AFDN: variants seen among roughly 807,000 people sequenced by gnomAD.
AFDN encodes the protein afadin.
AFDN carries 68 observed loss-of-function variants against 216.6 expected under a neutral mutation model. The observed-to-expected ratio is 0.31, with a 90% CI of 0.26 to 0.38. AFDN has a LOEUF of 0.38. Among genes scored for constraint, AFDN ranks in the 10% least tolerant of loss-of-function variants. The probability of loss-of-function intolerance (pLI) is 1.00; values close to 1 mark genes in which losing one functional copy is unlikely to be tolerated. For synonymous variants in AFDN, 868 were observed against 853.7 expected, an observed-to-expected ratio of 1.02 and a Z score of -0.29; for missense variants, 2,136 against 2,342.0, an observed-to-expected ratio of 0.91 and a Z score of 1.82.
Position 167,917,703 on chromosome 6 carries a change from A to G in AFDN, c.2709+471A>G, listed in dbSNP as rs576414103. Among the ~76,000 whole-genome samples, 11 of 152,352 alleles carry G rather than the reference A, an allele frequency of 7.2e-5. No individual in the cohort carries two copies. In the East Asian group the frequency reaches 1.7e-3, roughly 24 times the overall value. Reference sequence around the variant, plus strand: ...CACTGTTAGCTATTTATAAAGAGAAATACTGTAGACTTAAATATGAGTCAT... The same window carrying G: ...CACTGTTAGCTATTTATAAAGAGAAGTACTGTAGACTTAAATATGAGTCAT... On this transcript the variant is annotated intron_variant, in intron 20 of 33. Transcript: ENST00000683244.
At chr6:167,948,553 AT>A in intron 29 of AFDN, 75 bp downstream of exon 29, 1 of 1,393,768 alleles carries the variant, frequency 7.2e-7, no homozygotes, top group Non-Finnish European at 9.8e-7. Flanking sequence ...CACAATTAAT[AT>A]TTTCTATAGA....
At chr6:167,914,580 A>G in intron 17 of AFDN, 64 bp from the exon 18 acceptor site, 1 of 1,227,340 alleles carries the variant, frequency 8.1e-7, no homozygotes, top group South Asian at 1.3e-5. Flanking sequence ...TTCCCATGTG[A>G]TAACATGTCT....
At chr6:167,834,671 T>C (rs760740382) in intron 1 of AFDN, among the ~76,000 whole-genome samples, 2 of 152,042 alleles carry the variant, frequency 1.3e-5, no homozygotes, top group Admixed American at 1.3e-4. Context: ...CTGTCCTCCT[T>C]TGGAAGATTC....
rs35300672 is a variant in AFDN at position 167,868,762 on chromosome 6, C to CTTTTTTTTT, written c.302-1614_302-1606dup. Among the ~76,000 whole-genome samples the CTTTTTTTTT allele has an allele frequency of 1.6e-5, 2 of 122,560 alleles. 1 individual carries two copies. Among genetic ancestry groups the CTTTTTTTTT allele is most frequent in the Non-Finnish European group, 3.3e-5 (2 of 61,318 alleles). 80.4% of individuals were successfully genotyped at this position (122,560 alleles called of 152,430 possible). The stretch of plus-strand genomic sequence containing the variant: ...TTTACTATCATCAGCATTGTGCAAT[C>CTTTTTTTTT]TTTTTTTTTTTTTTTTTTGAGACAG... On this transcript the variant is annotated intron_variant, in intron 2 of 33. Transcript: ENST00000683244.
intron 12 of AFDN, among the ~76,000 whole-genome samples, chr6:167,906,864 A>T (rs2128432468): frequency 6.6e-6 from 1 of 152,366 alleles, no homozygotes; most frequent in South Asian, 2.1e-4. Context: ...GAATCGAATT[A>T]CTATTAATGT....
chr6:167,932,419 A>G (rs1234932481), intron 23 of AFDN, among the ~76,000 whole-genome samples: 1 of 152,196 alleles, frequency 6.6e-6, no homozygotes, highest in African/African-American at 2.4e-5. Context: ...GTGGGACAAC[A>G]TGATGCTTCC....
intron 32 of AFDN, among the ~76,000 whole-genome samples, chr6:167,966,600 C>T (rs1797589685): frequency 6.6e-6 from 1 of 152,252 alleles, no homozygotes; most frequent in Admixed American, 6.5e-5. Flanking sequence ...TTTTCTCTCT[C>T]TACCAATGAT....
chr6:167,893,007 G>A (rs1192431917), intron 8 of AFDN, among the ~76,000 whole-genome samples: 1 of 152,170 alleles, frequency 6.6e-6, no homozygotes, highest in Admixed American at 6.5e-5. Context: ...CCCGCCTTCA[G>A]GTAATTCACA....
intron 1 of AFDN, among the ~76,000 whole-genome samples, chr6:167,830,775 T>C (rs376531360): frequency 6.6e-6 from 1 of 152,164 alleles, no homozygotes; most frequent in Non-Finnish European, 1.5e-5. Context: ...ATTCATGTTT[T>C]CTGGAGATGT....
intron 27 of AFDN, 23 bp downstream of exon 27, chr6:167,946,924 T>C: frequency 6.3e-7 from 1 of 1,592,940 alleles, no homozygotes; most frequent in Non-Finnish European, 8.5e-7. Flanking sequence ...CTTTTTTGCT[T>C]CCTAAGTACA....
intron 11 of AFDN, 25 bp from the exon 12 acceptor site, chr6:167,902,292 T>C (rs1348065816): frequency 3.2e-6 from 5 of 1,550,650 alleles, no homozygotes; most frequent in South Asian, 2.2e-5. Context: ...ATTAAGTCAG[T>C]GTGTTTCTTG....
intron 23 of AFDN, among the ~76,000 whole-genome samples, chr6:167,930,725 A>G (rs1793180311): frequency 6.6e-6 from 1 of 152,210 alleles, no homozygotes; most frequent in Admixed American, 6.5e-5. Flanking sequence ...CATGGCAGCC[A>G]CAGGGCAGTT....
rs934530578 is a variant in AFDN, at chr6:167,965,981, G to A, written c.5193G>A (p.Ser1731=). Residue 1731 remains serine, a synonymous_variant, in exon 32 of 34, where the codon TCG becomes TCA. Transcript: ENST00000683244. Reference sequence around the variant, plus strand: ...AAACACAGGTCCTCTCCCCCGACTCGCTGTTCACTGCCAAGTTTGTTGCAT... The same window carrying A: ...AAACACAGGTCCTCTCCCCCGACTCACTGTTCACTGCCAAGTTTGTTGCAT... ...YLKTQVLSPD[S]LFTAKFVAYN... is the part of the protein sequence containing the mutation. 13 of 1,549,114 alleles carry A rather than the reference G, an allele frequency of 8.4e-6. No homozygotes were observed. Among genetic ancestry groups the A allele is most frequent in the Non-Finnish European group, 1.0e-5 (12 of 1,146,322 alleles).
chr6:167,901,868 G>A (rs1789005262), intron 11 of AFDN, among the ~76,000 whole-genome samples: 1 of 151,716 alleles, frequency 6.6e-6, no homozygotes, highest in African/African-American at 2.4e-5. Context: ...TGAGGTGGGC[G>A]GATCACCTGA....
chr6:167,952,262 G>A (rs767666706), intron 30 of AFDN, 75 bp downstream of exon 30: 21 of 1,608,498 alleles, frequency 1.3e-5, no homozygotes. Flanking sequence ...CATGGGGATA[G>A]CTAGGCCCCT....
chr6:167,945,904 A>G (rs1476150712), intron 26 of AFDN, among the ~76,000 whole-genome samples: 2 of 152,218 alleles, frequency 1.3e-5, no homozygotes, highest in African/African-American at 4.8e-5. Flanking sequence ...AAATGTATAC[A>G]TAGACTTCTA....
In AFDN at chr6:167,963,116, CAT is replaced by C. The variant is rs944455872; in HGVS notation, c.4968+550_4968+551del. 1.4e-4 allele frequency: 147 copies of C among 1,064,930 alleles called. 1 individual carries two copies. The highest frequency in any genetic ancestry group is 6.0e-4 in the East Asian group (12 of 20,162). 66.0% of individuals were successfully genotyped at this position (1,064,930 alleles called of 1,614,324 possible). A position where few individuals can be genotyped will look rare whatever the true frequency, so the allele number is the denominator to read the frequency against. On this transcript the variant is annotated intron_variant, in intron 31 of 33. Transcript: ENST00000683244. ...GTAAATATCCTAAGTTATTTATTTT[CAT>C]GTGTGTGTGTGTGTTTAAATCAAGT...
In AFDN at chr6:167,889,317, A is replaced by G. The variant is rs773268656; in HGVS notation, c.1000A>G (p.Ser334Gly). 1 of 1,609,164 alleles carries G rather than the reference A, an allele frequency of 6.2e-7. No homozygotes were observed. Among genetic ancestry groups the G allele is most frequent in the Admixed American group, 1.7e-5 (1 of 60,014 alleles). Residue 334 changes from serine (S) to glycine (G), a missense_variant, in exon 7 of 34, where the codon AGT becomes GGT. Around this residue, in one of 8 missense-constraint regions of AFDN, gnomAD observed 817 missense variants for 965.7 expected, o/e 0.85. Transcript: ENST00000683244. Reference sequence around the variant, plus strand: ...TTTACAAATCTTCAGGGAATGGCCAAGTGACAAAGGTAGTAACCTTATTAA... The same window carrying G: ...TTTACAAATCTTCAGGGAATGGCCAGGTGACAAAGGTAGTAACCTTATTAA... ...CPLQIFREWP[S>G]DKGILVFQLK...
At chr6:167,927,614 C>A (rs1792731048) in intron 23 of AFDN, among the ~76,000 whole-genome samples, 1 of 151,954 alleles carries the variant, frequency 6.6e-6, no homozygotes, top group Admixed American at 6.6e-5. Context: ...GAACCTGAAC[C>A]CTTTTAGCGT....
Sources: allele counts gnomAD v4.1 joint callset (sites outside exome capture counted in the v4.1 genomes callset), GRCh38; gene constraint gnomAD v4.1.1; regional missense constraint gnomAD v4.1.1; transcripts MANE v1.5; gene names NCBI Gene and HGNC (gene_info 2026-07-23, HGNC 2026-07-21).